TRIO: variants seen among roughly 807,000 people sequenced by gnomAD.
TRIO encodes the protein triple functional domain protein.
A neutral mutation model predicts 351.9 loss-of-function variants in TRIO; 58 were observed. The ratio of observed to expected loss-of-function variants is 0.16; its 90% CI spans 0.13 to 0.21. The LOEUF is 0.21. TRIO is among the 10% of genes least tolerant of loss of function. The probability of loss-of-function intolerance (pLI) is 1.00; values close to 1 mark genes in which losing one functional copy is unlikely to be tolerated. For synonymous variants in TRIO, 1,758 were observed against 1,595.7 expected (o/e 1.10, Z -2.42); for missense variants, 3,201 against 4,027.8 (o/e 0.79, Z 5.56).
chr5:14,488,319 AAAC>A, intron 48 of TRIO, 59 bp downstream of exon 48: 1 of 1,507,532 alleles, frequency 6.6e-7, no homozygotes, highest in South Asian at 1.2e-5. Context: ...CGCCAGCTCT[AAAC>A]GCCACCGCGG....
chr5:14,485,398 C>T (rs1379809149), intron 47 of TRIO, 152 bp downstream of exon 47: 7 of 765,844 alleles, frequency 9.1e-6, no homozygotes, highest in East Asian at 3.0e-5. Context: ...ATTTCATCTT[C>T]ACAACCACCC....
chr5:14,396,922 C>A (rs571294884), intron 28 of TRIO, 121 bp from the exon 29 acceptor site: 56 of 748,462 alleles, frequency 7.5e-5, no homozygotes, highest in African/African-American at 7.3e-4. Flanking sequence ...AACATATGCC[C>A]AGTTGACCAC....
chr5:14,153,299 C>T (rs1322322628), intron 1 of TRIO, among the ~76,000 whole-genome samples: 1 of 152,192 alleles, frequency 6.6e-6, no homozygotes, highest in Non-Finnish European at 1.5e-5. Context: ...GAGGCCAGGA[C>T]CCCTGTCACG....
chr5:14,454,599 T>C lies in TRIO; in HGVS notation c.5204-6420T>C, dbSNP rs1231520051. Among the ~76,000 whole-genome samples, 4 of 152,222 alleles carry C rather than the reference T, an allele frequency of 2.6e-5. No homozygotes were observed. The East Asian group carries it at 7.7e-4, about 29-fold the overall frequency. On this transcript the variant is annotated intron_variant, in intron 34 of 56. Transcript: ENST00000344204. The stretch of plus-strand genomic sequence containing the variant: ...CAGCTGGTTTGTTGGCTCACCTGTT[T>C]GTCATTTATTCAGTGTATACTCATT...
At chr5:14,379,907 C>T (rs973690466) in intron 20 of TRIO, among the ~76,000 whole-genome samples, 1 of 152,200 alleles carries the variant, frequency 6.6e-6, no homozygotes, top group African/African-American at 2.4e-5. Context: ...GCAGACCGGC[C>T]TCCAGGGCTC....
At position 14,481,272 on chromosome 5, in the gene TRIO, A is replaced by C. The variant is rs1200604702; in HGVS notation, c.6375A>C (p.Thr2125=). The stretch of plus-strand genomic sequence containing the variant: ...ATTCCAAAAAGGCCAGCCTGGATAC[A>C]TCAGAATTAGAGGTACATGCATCAG... The part of the protein sequence containing the change: ...LKYSKKASLD[T]SELERAVEVM... Residue 2125 remains threonine, a synonymous_variant, in exon 44 of 57, where the codon ACA becomes ACC. Transcript: ENST00000344204. 5 of 1,614,096 alleles carry C rather than the reference A, an allele frequency of 3.1e-6. No homozygotes were observed. The highest frequency in any genetic ancestry group is 4.2e-6 in the Non-Finnish European group (5 of 1,179,988).
At chr5:14,468,873 C>T (rs1754472115) in intron 37 of TRIO, among the ~76,000 whole-genome samples, 1 of 152,154 alleles carries the variant, frequency 6.6e-6, no homozygotes, top group African/African-American at 2.4e-5. Flanking sequence ...AAACCTAAAA[C>T]CTGAGGATTT....
Position 14,479,044 on chromosome 5 carries a change from G to A in TRIO, c.6154-217G>A, listed in dbSNP as rs570165831. On this transcript the variant is annotated intron_variant, in intron 41 of 56. Coordinates refer to ENST00000344204, the MANE Select transcript of TRIO (RefSeq NM_007118.4). ...GGTACTGTAAAGTGAAGGGTTTGGT[G>A]TGTATGGAGAGTGATGGGGGAAGGA... Among the ~76,000 whole-genome samples, 100 of 152,328 alleles carry A rather than the reference G, an allele frequency of 6.6e-4. 1 individual carries two copies. The highest frequency in any genetic ancestry group is 2.3e-3 in the African/African-American group (95 of 41,574).
intron 11 of TRIO, among the ~76,000 whole-genome samples, chr5:14,338,387 C>T (rs777046322): frequency 6.6e-6 from 1 of 152,154 alleles, no homozygotes; most frequent in Non-Finnish European, 1.5e-5. Context: ...ACACAGTATC[C>T]CCTGATCCAG....
At chr5:14,282,608 A>G (rs754179743) in intron 3 of TRIO, among the ~76,000 whole-genome samples, 3 of 152,216 alleles carry the variant, frequency 2.0e-5, no homozygotes, top group Non-Finnish European at 2.9e-5. Flanking sequence ...GAGAATACAC[A>G]AAAGTGGAGA....
intron 1 of TRIO, among the ~76,000 whole-genome samples, chr5:14,186,812 A>G (rs1353214062): frequency 6.6e-6 from 1 of 152,086 alleles, no homozygotes; most frequent in Non-Finnish European, 1.5e-5. Flanking sequence ...TCCTGACTTA[A>G]GGTGATCCAC....
chr5:14,230,340 T>TTGTGTGTGTGTGTGTGTGTGTGTGTGTG (rs59717445), intron 1 of TRIO, among the ~76,000 whole-genome samples: 4 of 149,016 alleles, frequency 2.7e-5, no homozygotes, highest in African/African-American at 1.0e-4. Context: ...GGCAAGATGT[T>TTGTGTGTGTGTGTGTGTGTGTGTGTGTG]TGTGTGTGTG....
intron 1 of TRIO, among the ~76,000 whole-genome samples, chr5:14,261,625 G>T (rs1046562569): frequency 2.0e-5 from 3 of 152,192 alleles, no homozygotes; most frequent in African/African-American, 7.2e-5. Context: ...CCCACTGACT[G>T]CAGAGAAGCA....
intron 8 of TRIO, among the ~76,000 whole-genome samples, chr5:14,311,602 T>C (rs557987615): frequency 2.0e-5 from 3 of 152,348 alleles, no homozygotes; most frequent in African/African-American, 7.2e-5. Flanking sequence ...GAATGTCAAC[T>C]GTTGCTGCAG....
At chr5:14,351,756 TC>T (rs1369022384) in intron 11 of TRIO, among the ~76,000 whole-genome samples, 1 of 152,100 alleles carries the variant, frequency 6.6e-6, no homozygotes, top group Admixed American at 6.5e-5. Context: ...ATACCCCACC[TC>T]CAGACGGACA....
At chr5:14,199,525 G>A (rs1790978665) in intron 1 of TRIO, among the ~76,000 whole-genome samples, 1 of 152,202 alleles carries the variant, frequency 6.6e-6, no homozygotes, top group African/African-American at 2.4e-5. Context: ...CCAGCTTTTT[G>A]TACTAAGAAG....
At chr5:14,188,976 A>G (rs1034185810) in intron 1 of TRIO, among the ~76,000 whole-genome samples, 3 of 152,182 alleles carry the variant, frequency 2.0e-5, no homozygotes, top group Non-Finnish European at 4.4e-5. Flanking sequence ...TGTAGTGAAA[A>G]TGTTTTTCCA....
At chr5:14,244,547 TG>T (rs1189739988) in intron 1 of TRIO, among the ~76,000 whole-genome samples, 1 of 152,250 alleles carries the variant, frequency 6.6e-6, no homozygotes, top group Admixed American at 6.5e-5. Context: ...AATTGTTATC[TG>T]TATGGCTGGG....
At chr5:14,175,753 C>T (rs1298410955) in intron 1 of TRIO, among the ~76,000 whole-genome samples, 1 of 152,200 alleles carries the variant, frequency 6.6e-6, no homozygotes, top group Non-Finnish European at 1.5e-5. Context: ...CTATTTCTAA[C>T]ATAGAATACT....
Sources: gnomAD v4.1 joint callset for allele counts (sites outside exome capture counted in the v4.1 genomes callset) on GRCh38, gnomAD v4.1.1 for gene constraint, MANE v1.5 for transcripts, NCBI Gene and HGNC (gene_info 2026-07-23, HGNC 2026-07-21) for gene names.